RCOR1: variants seen among roughly 807,000 people sequenced by gnomAD.
RCOR1 encodes the protein REST corepressor 1.
A neutral mutation model predicts 64.0 loss-of-function variants in RCOR1; 12 were observed. That is an observed-to-expected ratio of 0.19 (90% CI 0.12 to 0.30). The LOEUF (loss-of-function observed/expected upper bound fraction) is 0.30. RCOR1 is among the 10% of genes least tolerant of loss of function. The pLI is 1.00. For synonymous variants in RCOR1, 279 were observed against 227.2 expected (o/e 1.23, Z -2.05); for missense variants, 502 against 621.2 (o/e 0.81, Z 2.04).
At chr14:102,683,183 C>T (rs1895340667) in intron 3 of RCOR1, among the ~76,000 whole-genome samples, 1 of 152,090 alleles carries the variant, frequency 6.6e-6, no homozygotes, top group Non-Finnish European at 1.5e-5. Flanking sequence ...GCCCTGATTA[C>T]AATCGTTTTA....
intron 3 of RCOR1, among the ~76,000 whole-genome samples, chr14:102,696,535 G>A (rs1446974175): frequency 1.3e-5 from 2 of 152,172 alleles, no homozygotes; most frequent in Admixed American, 6.5e-5. Flanking sequence ...CCATAGAAAC[G>A]TGCTGGCATT....
chr14:102,711,454 G>C (rs1399141329), intron 7 of RCOR1, among the ~76,000 whole-genome samples: 1 of 152,228 alleles, frequency 6.6e-6, no homozygotes, highest in Non-Finnish European at 1.5e-5. Context: ...CTGTTACTCA[G>C]AAGCAGCAAT....
intron 2 of RCOR1, among the ~76,000 whole-genome samples, chr14:102,633,146 C>A (rs918018228): frequency 5.9e-5 from 9 of 151,346 alleles, no homozygotes; most frequent in Admixed American, 5.9e-4. Context: ...TGGATCTAAT[C>A]CTCTCATAAG....
chr14:102,706,241 T>C (rs148893975), intron 4 of RCOR1, among the ~76,000 whole-genome samples: 1,747 of 152,004 alleles, frequency 0.011, 32 homozygotes, highest in African/African-American at 0.034. Flanking sequence ...TTATCAGTGA[T>C]TACTTTAAAT....
At chr14:102,596,909 G>A (rs1452337300) in intron 2 of RCOR1, among the ~76,000 whole-genome samples, 2 of 128,928 alleles carry the variant, frequency 1.6e-5, no homozygotes, top group African/African-American at 6.1e-5. Context: ...GTCTTGATCT[G>A]TTGCCCAGGC....
intron 3 of RCOR1, among the ~76,000 whole-genome samples, chr14:102,684,032 T>C (rs560423482): frequency 6.6e-6 from 1 of 152,310 alleles, no homozygotes; most frequent in East Asian, 1.9e-4. Context: ...CCTCTCTGCC[T>C]CTTTCCTGGC....
intron 7 of RCOR1, among the ~76,000 whole-genome samples, chr14:102,712,134 A>C (rs1895973870): frequency 6.6e-6 from 1 of 152,004 alleles, no homozygotes; most frequent in Non-Finnish European, 1.5e-5. Context: ...ATGGCCTTGC[A>C]AAGTGCTGGG....
intron 2 of RCOR1, among the ~76,000 whole-genome samples, chr14:102,653,950 TC>T (rs758212332): frequency 0.06 from 3,814 of 63,322 alleles, 477 homozygotes; most frequent in African/African-American, 0.16. Flanking sequence ...TTTCTTTCTT[TC>T]TTTCTTTCTT....
intron 5 of RCOR1, among the ~76,000 whole-genome samples, chr14:102,707,896 C>G (rs906189728): frequency 6.6e-6 from 1 of 152,010 alleles, no homozygotes; most frequent in Non-Finnish European, 1.5e-5. Context: ...TCAAGCGATT[C>G]TCCTGCCTCA....
chr14:102,596,996 C>T (rs989024857), intron 2 of RCOR1, among the ~76,000 whole-genome samples: 10 of 151,834 alleles, frequency 6.6e-5, no homozygotes, highest in African/African-American at 2.4e-4. Flanking sequence ...CCTCAGCCTC[C>T]CAAGTAGTTG....
chr14:102,717,478 G>A (rs1276172056), intron 8 of RCOR1, among the ~76,000 whole-genome samples: 2 of 152,186 alleles, frequency 1.3e-5, no homozygotes, highest in African/African-American at 4.8e-5. Context: ...AATCTTAGGA[G>A]AATCACTTAA....
chr14:102,713,545 G>C (rs576622027), intron 7 of RCOR1, among the ~76,000 whole-genome samples: 1 of 151,878 alleles, frequency 6.6e-6, no homozygotes, highest in Admixed American at 6.5e-5. Context: ...GCCTCCCAAA[G>C]TGCTGGGATT....
chr14:102,714,174 G>C (rs527668241), intron 7 of RCOR1, among the ~76,000 whole-genome samples: 8 of 152,140 alleles, frequency 5.3e-5, no homozygotes, highest in Admixed American at 1.3e-4. Context: ...TCATTGGCTT[G>C]AAACGATAGA....
chr14:102,701,926 C>T (rs1214301480), intron 4 of RCOR1, among the ~76,000 whole-genome samples: 4 of 152,164 alleles, frequency 2.6e-5, no homozygotes, highest in Non-Finnish European at 4.4e-5. Flanking sequence ...AGGGGCCTCC[C>T]AAAGTGTTGG....
intron 2 of RCOR1, among the ~76,000 whole-genome samples, chr14:102,642,870 G>A (rs903053615): frequency 2.0e-5 from 3 of 151,922 alleles, no homozygotes; most frequent in Non-Finnish European, 1.5e-5. Flanking sequence ...GCATAGTATC[G>A]GCAGAAAAGT....
Position 102,722,869 on chromosome 14 carries a change from C to A in RCOR1, c.1419+453C>A, listed in dbSNP as rs74084135. Among the ~76,000 whole-genome samples the A allele has an allele frequency of 6.1e-3, 924 of 152,342 alleles. 10 individuals carry two copies. Among genetic ancestry groups the A allele is most frequent in the African/African-American group, 0.021 (891 of 41,582 alleles). ...CAGGAGCTCCTGAGGCCTCTCCCTG[C>A]TGTCCAGATCTTTCAGCCTTTGATG... On this transcript the variant is annotated intron_variant, in intron 11 of 11. Transcript: ENST00000262241.
At chr14:102,678,914 C>T (rs910596791) in intron 2 of RCOR1, among the ~76,000 whole-genome samples, 2 of 152,158 alleles carry the variant, frequency 1.3e-5, no homozygotes, top group Non-Finnish European at 2.9e-5. Flanking sequence ...AATATACCCC[C>T]TTTATATCTA....
At chr14:102,624,331 C>G (rs1248796205) in intron 2 of RCOR1, among the ~76,000 whole-genome samples, 2 of 151,688 alleles carry the variant, frequency 1.3e-5, no homozygotes, top group Non-Finnish European at 2.9e-5. Flanking sequence ...TGGTGAAACC[C>G]TACCTCTACA....
At chr14:102,612,185 C>G (rs1159250352) in intron 2 of RCOR1, among the ~76,000 whole-genome samples, 1 of 152,148 alleles carries the variant, frequency 6.6e-6, no homozygotes, top group East Asian at 1.9e-4. Context: ...GTTCATGTCA[C>G]TCTACCTTGA....
Sources: gnomAD v4.1 joint callset for allele counts (sites outside exome capture counted in the v4.1 genomes callset) on GRCh38, gnomAD v4.1.1 for gene constraint, MANE v1.5 for transcripts, NCBI Gene and HGNC (gene_info 2026-07-23, HGNC 2026-07-21) for gene names.